The following CD320 variants were observed in gnomAD, a reference collection of about 807,000 sequenced individuals.
CD320 encodes the protein CD320 antigen.
CD320 carries 16 observed loss-of-function variants against 22.1 expected under a neutral mutation model. That is an observed-to-expected ratio of 0.73 (90% CI 0.49 to 1.10). The LOEUF is 1.10. Among genes scored for constraint, CD320 ranks in the 50% least tolerant of loss-of-function variants. The probability of loss-of-function intolerance (pLI) is 0.00; values close to 1 mark genes in which losing one functional copy is unlikely to be tolerated. For synonymous variants in CD320, 188 were observed against 167.8 expected, an observed-to-expected ratio of 1.12 and a Z score of -0.93; for missense variants, 388 against 376.9, an observed-to-expected ratio of 1.03 and a Z score of -0.24.
Position 8,303,897 on chromosome 19 carries a change from C to G in CD320, c.460G>C (p.Gly154Arg), listed in dbSNP as rs1333319573. ...CTGGAGTCGGGACAGTCTGGGTGGC[C>G]GTCGCAGCGCCACGTGAGTGGAATG... ...DCIPLTWRCD[G>R]HPDCPDSSDE... Residue 154 changes from glycine (G) to arginine (R), a missense_variant, in exon 3 of 5, where the codon GGC becomes CGC. Gly to Arg is a moderately radical substitution (Grantham distance 125, BLOSUM62 -2). Coordinates refer to ENST00000301458, the MANE Select transcript of CD320 (RefSeq NM_016579.4). 1 of 1,605,794 alleles carries G rather than the reference C, an allele frequency of 6.2e-7. No individual in the cohort carries two copies. The highest frequency in any genetic ancestry group is 1.1e-5 in the South Asian group (1 of 89,432).
intron 2 of CD320, 75 bp from the exon 3 acceptor site, chr19:8,304,163 G>T: frequency 1.3e-6 from 1 of 773,036 alleles, no homozygotes; most frequent in Non-Finnish European, 2.2e-6. Flanking sequence ...CCCATCCCCT[G>T]CAAGCCCCAC....
At chr19:8,305,262 G>C (rs535543832) in intron 1 of CD320, 106 bp from the exon 2 acceptor site, 1 of 1,399,860 alleles carries the variant, frequency 7.1e-7, no homozygotes, top group Non-Finnish European at 9.7e-7. Context: ...GAAGTCCCGG[G>C]ATATAGGAAC....
chr19:8,304,846 C>T lies in CD320; in HGVS notation c.268+185G>A, dbSNP rs148523270. The T allele has an allele frequency of 0.063, 38,641 of 612,616 alleles. 3,032 individuals carry two copies. Among genetic ancestry groups the T allele is most frequent in the African/African-American group, 0.3 (16,516 of 54,778 alleles). The allele number at this position is 612,616 out of a possible 1,614,324, so 37.9% of individuals were successfully genotyped here. On this transcript the variant is annotated intron_variant, in intron 2 of 4. Coordinates refer to ENST00000301458, the MANE Select transcript of CD320 (RefSeq NM_016579.4). ...CCTCCCAAAGTGCTGGGATTGCAGGCGTGAGCCACTGCGCCCAGCCCAAGC... is the reference window on the plus strand; with the variant it reads ...CCTCCCAAAGTGCTGGGATTGCAGGTGTGAGCCACTGCGCCCAGCCCAAGC...
chr19:8,303,954 C>T lies in CD320; in HGVS notation c.403G>A (p.Gly135Ser), dbSNP rs1970048810. The change falls in exon 3 of 5, where the codon GGC becomes AGC. Residue 135 changes from glycine to serine, a missense_variant. Coordinates refer to ENST00000301458, the MANE Select transcript of CD320 (RefSeq NM_016579.4). ...RNCSRLACLA[G>S]ELRCTLSDDC... ...TCGCTCAGCGTGCAACGGAGCTCGC[C>T]TGCTAGGCAGGCCAGGCGGCTGCAG... is the stretch of plus-strand genomic sequence containing the variant. 1.3e-6 allele frequency: 2 copies of T among 1,590,744 alleles called. No homozygotes were observed. Among genetic ancestry groups the T allele is most frequent in the Non-Finnish European group, 1.7e-6 (2 of 1,169,048 alleles).
Position 8,303,931 on chromosome 19 carries a change from G to A in CD320, c.426C>T (p.Ser142=). Residue 142 remains serine, a synonymous_variant, in exon 3 of 5, where the codon AGC becomes AGT. Transcript: ENST00000301458. ...CLAGELRCTL[S]DDCIPLTWRC... ...GCCACGTGAGTGGAATGCAGTCATCGCTCAGCGTGCAACGGAGCTCGCCTG... is the reference window on the plus strand; with the variant it reads ...GCCACGTGAGTGGAATGCAGTCATCACTCAGCGTGCAACGGAGCTCGCCTG... The A allele has an allele frequency of 3.1e-6, 5 of 1,601,864 alleles. No homozygotes were observed. Among genetic ancestry groups the A allele is most frequent in the East Asian group, 2.3e-5 (1 of 44,178 alleles).
In CD320 at chr19:8,303,807, G is replaced by A. The variant is rs1179007387; in HGVS notation, c.502+48C>T. 4 of 1,307,562 alleles carry A rather than the reference G, an allele frequency of 3.1e-6. No homozygotes were observed. In the East Asian group the frequency reaches 1.0e-4, roughly 33 times the overall value. The allele number at this position is 1,307,562 out of a possible 1,614,324, so 81.0% of individuals were successfully genotyped here. The stretch of plus-strand genomic sequence containing the variant: ...CCTGGCCACGCCCCAGCAGGCAGTG[G>A]GTGTCCCCATCTACCCACGAGTCCA... On this transcript the variant is annotated intron_variant, in intron 3 of 4. Coordinates refer to ENST00000301458, the MANE Select transcript of CD320 (RefSeq NM_016579.4).
chr19:8,303,867 C>A lies in CD320; in HGVS notation c.490G>T (p.Glu164Ter). The change falls in exon 3 of 5, where the codon GAG becomes TAG. Residue 164 changes from glutamate (E) to a stop codon, truncating the protein, a stop_gained. Transcript: ENST00000301458. LOFTEE classifies it high-confidence loss of function. Reference sequence around the variant, plus strand: ...CGCAGGTGCATACCACAGCCGAGCTCGTCGCTGGAGTCGGGACAGTCTGGG... The same window carrying A: ...CGCAGGTGCATACCACAGCCGAGCTAGTCGCTGGAGTCGGGACAGTCTGGG... ...GHPDCPDSSD[E>*]LGCGTNEILP... The A allele has an allele frequency of 6.3e-7, 1 of 1,599,478 alleles. No homozygotes were observed. The highest frequency in any genetic ancestry group is 1.1e-5 in the South Asian group (1 of 88,618).
chr19:8,308,344 T>TGCGCAC lies in CD320; in HGVS notation c.-60_-55dup, dbSNP rs550426889. ...GCTGTCCAGACCGCTCTCTTATCCC[T>TGCGCAC]GCGCACGCGCACGCGCGGGGTTGGG... On this transcript the variant is annotated 5_prime_UTR_variant, in exon 1 of 5. Transcript: ENST00000301458. 9.3e-5 allele frequency: 145 copies of TGCGCAC among 1,560,742 alleles called. 1 individual carries two copies. The African/African-American group carries it at 1.1e-3, about 12-fold the overall frequency.
Position 8,303,897 on chromosome 19 carries a change from C to A in CD320, c.460G>T (p.Gly154Cys). ...DCIPLTWRCD[G>C]HPDCPDSSDE... ...CTGGAGTCGGGACAGTCTGGGTGGC[C>A]GTCGCAGCGCCACGTGAGTGGAATG... Residue 154 changes from glycine to cysteine, a missense_variant, in exon 3 of 5, where the codon GGC becomes TGC. Gly to Cys is a radical substitution (Grantham distance 159). Coordinates refer to ENST00000301458, the MANE Select transcript of CD320 (RefSeq NM_016579.4). 6.2e-7 allele frequency: 1 copy of A among 1,605,794 alleles called. No individual in the cohort carries two copies. Among genetic ancestry groups the A allele is most frequent in the South Asian group, 1.1e-5 (1 of 89,432 alleles).
chr19:8,303,100 G>GCTA (rs776127124), intron 3 of CD320, 120 bp from the exon 4 acceptor site: 5 of 698,200 alleles, frequency 7.2e-6, no homozygotes, highest in Non-Finnish European at 9.8e-6. Flanking sequence ...GAAGCTGACT[G>GCTA]CCCGTAATTA....
At position 8,303,950 on chromosome 19, in the gene CD320, TC is replaced by T; in HGVS notation, c.406del (p.Glu136SerfsTer6). On this transcript the variant is annotated frameshift_variant, in exon 3 of 5. Transcript: ENST00000301458. LOFTEE classifies it high-confidence loss of function. ...NCSRLACLAG[E>X]LRCTLSDDCI... The stretch of plus-strand genomic sequence containing the variant: ...GTCATCGCTCAGCGTGCAACGGAGC[TC>T]GCCTGCTAGGCAGGCCAGGCGGCTG... The T allele has an allele frequency of 6.3e-7, 1 of 1,592,032 alleles. No homozygotes were observed. The highest frequency in any genetic ancestry group is 8.5e-7 in the Non-Finnish European group (1 of 1,169,702).
chr19:8,302,963 G>A lies in CD320; in HGVS notation c.520C>T (p.Pro174Ser), dbSNP rs774612614. 6.2e-7 allele frequency: 1 copy of A among 1,613,946 alleles called. No individual in the cohort carries two copies. The highest frequency in any genetic ancestry group is 1.1e-5 in the South Asian group (1 of 91,074). ...CCCATGGTTGTGGCATCCCCTTCCG[G>A]GAGGATCTCATTGGTTCCTGCAATA... ...ELGCGTNEIL[P>S]EGDATTMGPP... The change falls in exon 4 of 5, where the codon CCG (proline) becomes TCG (serine). Residue 174 changes from proline (P) to serine (S), a missense_variant. Coordinates refer to ENST00000301458, the MANE Select transcript of CD320 (RefSeq NM_016579.4).
In CD320 at chr19:8,302,139, C is replaced by A; in HGVS notation, c.*324G>T. 1 of 494,450 alleles carries A rather than the reference C, an allele frequency of 2.0e-6. No individual in the cohort carries two copies. 30.6% of individuals were successfully genotyped at this position (494,450 alleles called of 1,614,324 possible). On this transcript the variant is annotated 3_prime_UTR_variant, in exon 5 of 5. Coordinates refer to ENST00000301458, the MANE Select transcript of CD320 (RefSeq NM_016579.4). ...CCAGAGGCAGGCGGAGGATGTGAAG[C>A]AACTTTAATTGCCACCCTCAGACGG...
chr19:8,302,953 T>C lies in CD320; in HGVS notation c.530A>G (p.Asp177Gly), dbSNP rs1298906870. The change falls in exon 4 of 5, where the codon GAT becomes GGT. Residue 177 changes from aspartate to glycine, a missense_variant. Asp to Gly is a moderately conservative substitution (Grantham distance 94). Transcript: ENST00000301458. ...CACAGGGGGCCCCATGGTTGTGGCA[T>C]CCCCTTCCGGGAGGATCTCATTGGT... ...CGTNEILPEG[D>G]ATTMGPPVTL... The C allele has an allele frequency of 1.9e-6, 3 of 1,613,996 alleles. No homozygotes were observed. Among genetic ancestry groups the C allele is most frequent in the Non-Finnish European group, 2.5e-6 (3 of 1,179,980 alleles).
chr19:8,305,087 G>A lies in CD320; in HGVS notation c.212C>T (p.Thr71Ile), dbSNP rs560650557. ...GTCCAAGTCCCTGTCGCAGCGCCAG[G>A]TGAGGGGCACGCATAAGCCACTGGT... ...CRTSGLCVPL[T>I]WRCDRDLDCS... Residue 71 changes from threonine (T) to isoleucine (I), a missense_variant, in exon 2 of 5, where the codon ACC (threonine) becomes ATC (isoleucine). By Grantham distance (89) the Thr-to-Ile change is moderately conservative. Coordinates refer to ENST00000301458, the MANE Select transcript of CD320 (RefSeq NM_016579.4). 5.6e-6 allele frequency: 9 copies of A among 1,613,024 alleles called. No individual in the cohort carries two copies. Among genetic ancestry groups the A allele is most frequent in the Non-Finnish European group, 6.8e-6 (8 of 1,179,940 alleles).
rs1970068940 is a variant in CD320, at chr19:8,305,075, T to A, written c.224A>T (p.Asp75Val). 6.2e-7 allele frequency: 1 copy of A among 1,612,316 alleles called. No homozygotes were observed. Among genetic ancestry groups the A allele is most frequent in the Non-Finnish European group, 8.5e-7 (1 of 1,179,958 alleles). ...GCCATCGCTGCAGTCCAAGTCCCTG[T>A]CGCAGCGCCAGGTGAGGGGCACGCA... ...GLCVPLTWRC[D>V]RDLDCSDGSD... is the part of the protein sequence containing the mutation. Residue 75 changes from aspartate to valine, a missense_variant, in exon 2 of 5, where the codon GAC (aspartate) becomes GTC (valine). By Grantham distance (152) the Asp-to-Val change is radical. Transcript: ENST00000301458.
Position 8,303,975 on chromosome 19 carries a change from T to TGCAGTTGC in CD320, c.374_381dup (p.Ser128AlafsTer9). On this transcript the variant is annotated frameshift_variant, in exon 3 of 5. Transcript: ENST00000301458. LOFTEE classifies it high-confidence loss of function. ...TCGCCTGCTAGGCAGGCCAGGCGGC[T>TGCAGTTGC]GCAGTTGCGCAGTTTCTTGTCAGTT... 1 of 1,579,528 alleles carries TGCAGTTGC rather than the reference T, an allele frequency of 6.3e-7. No individual in the cohort carries two copies. Among genetic ancestry groups the TGCAGTTGC allele is most frequent in the Non-Finnish European group, 8.6e-7 (1 of 1,162,976 alleles).
At chr19:8,303,011 GGA>G in intron 3 of CD320, 31 bp from the exon 4 acceptor site, 1 of 1,598,522 alleles carries the variant, frequency 6.3e-7, no homozygotes, top group Non-Finnish European at 8.6e-7. Flanking sequence ...CAGTAGTTGA[GGA>G]GAGAGCACTG....
chr19:8,307,322 G>A (rs1970104809), intron 1 of CD320, among the ~76,000 whole-genome samples: 1 of 142,306 alleles, frequency 7.0e-6, no homozygotes, highest in Non-Finnish European at 1.5e-5. Context: ...TGGTTAACGT[G>A]AACGCTGCCT....
Sources: gnomAD v4.1 joint callset for allele counts (sites outside exome capture counted in the v4.1 genomes callset) on GRCh38, gnomAD v4.1.1 for gene constraint, MANE v1.5 for transcripts, NCBI Gene and HGNC (gene_info 2026-07-23, HGNC 2026-07-21) for gene names.